Variants in CPAMD8 observed in about 807,000 individuals in gnomAD.
CPAMD8 encodes C3 and PZP-like alpha-2-macroglobulin domain-containing protein 8.
Under a neutral mutation model 224.7 loss-of-function variants are expected in CPAMD8, and 146 were observed. The ratio of observed to expected loss-of-function variants is 0.65; its 90% confidence interval spans 0.57 to 0.75. The LOEUF is 0.75. Among genes scored for constraint, CPAMD8 ranks in the 30% least tolerant of loss-of-function variants. The pLI is 0.00. For synonymous variants in CPAMD8, 966 were observed against 1,044.6 expected (o/e 0.92, Z 1.45); for missense variants, 2,301 against 2,537.5 (o/e 0.91, Z 2.00).
intron 3 of CPAMD8, among the ~76,000 whole-genome samples, chr19:17,014,000 T>TTCCC (rs371949668): frequency 0.17 from 21,316 of 126,212 alleles, 2,155 homozygotes; most frequent in South Asian, 0.36. Flanking sequence ...TACACATTCC[T>TTCCC]TCCCTCCCTC....
At chr19:17,017,025 TGG>T (rs934523021) in intron 3 of CPAMD8, among the ~76,000 whole-genome samples, 6 of 152,024 alleles carry the variant, frequency 3.9e-5, no homozygotes, top group African/African-American at 1.4e-4. Context: ...AGGTGAGCAG[TGG>T]GTGAGCAAAT....
At chr19:16,924,976 C>T (rs771324250) in intron 26 of CPAMD8, among the ~76,000 whole-genome samples, 68 of 152,192 alleles carry the variant, frequency 4.5e-4, no homozygotes, top group Admixed American at 1.3e-4. Context: ...TGCTTTTCCT[C>T]TCCCTGTATC....
At chr19:16,953,626 C>T (rs1382828241) in intron 19 of CPAMD8, among the ~76,000 whole-genome samples, 1 of 146,582 alleles carries the variant, frequency 6.8e-6, no homozygotes, top group Non-Finnish European at 1.5e-5. Flanking sequence ...ACTTGAACAC[C>T]TGGGTGACAG....
chr19:16,940,214 C>G (rs1452383352), intron 22 of CPAMD8, among the ~76,000 whole-genome samples: 1 of 152,098 alleles, frequency 6.6e-6, no homozygotes, highest in Non-Finnish European at 1.5e-5. Flanking sequence ...GCCCGGCCTC[C>G]TGGGTCTCTA....
At position 16,897,760 on chromosome 19, in the gene CPAMD8, G is replaced by A. The variant is rs1215346820; in HGVS notation, c.4996C>T (p.Pro1666Ser). 1.3e-6 allele frequency: 2 copies of A among 1,584,118 alleles called. No individual in the cohort carries two copies. The highest frequency in any genetic ancestry group is 1.7e-6 in the Non-Finnish European group (2 of 1,167,672). The change falls in exon 39 of 42, where the codon CCA becomes TCA. Residue 1666 changes from proline (P) to serine (S), a missense_variant. Coordinates refer to ENST00000443236, the MANE Select transcript of CPAMD8 (RefSeq NM_015692.5). ...CCGGCGCACAGTTCCCGGGCGAGTG[G>A]GCTGTGGGTGCTGACGTTGTAGAAG... Reference protein sequence around the residue: ...TRFYNVSTHSPLARELCAGPA... With the variant: ...TRFYNVSTHSSLARELCAGPA...
At chr19:17,024,831 C>T (rs917925132) in intron 1 of CPAMD8, among the ~76,000 whole-genome samples, 15 of 152,206 alleles carry the variant, frequency 9.9e-5, no homozygotes, top group Non-Finnish European at 1.9e-4. Context: ...CAGAATTGCT[C>T]TTACAACTGC....
chr19:16,951,258 G>A (rs2054288422), intron 20 of CPAMD8, among the ~76,000 whole-genome samples: 2 of 152,084 alleles, frequency 1.3e-5, no homozygotes, highest in African/African-American at 4.8e-5. Flanking sequence ...CTGGTACTTT[G>A]TGGGGAGCCT....
chr19:16,904,176 A>ACGCCCCCCC, intron 32 of CPAMD8, 50 bp downstream of exon 32: 1 of 937,340 alleles, frequency 1.1e-6, no homozygotes. Flanking sequence ...GACTGCAGGG[A>ACGCCCCCCC]CCCCACCCAC....
chr19:16,894,099 C>T (rs1289753608), intron 41 of CPAMD8: 6 of 196,676 alleles, frequency 3.1e-5, no homozygotes, highest in African/African-American at 6.8e-5. Context: ...GCTGCCGTGG[C>T]CCCAGGAAAA....
intron 18 of CPAMD8, among the ~76,000 whole-genome samples, chr19:16,964,891 C>T (rs1366766427): frequency 6.6e-6 from 1 of 152,128 alleles, no homozygotes; most frequent in East Asian, 1.9e-4. Context: ...GTTCAACGTA[C>T]ACAAATCAAT....
intron 18 of CPAMD8, among the ~76,000 whole-genome samples, chr19:16,961,881 T>C (rs2054670181): frequency 6.6e-6 from 1 of 152,144 alleles, no homozygotes; most frequent in Non-Finnish European, 1.5e-5. Context: ...CCTCCACTGG[T>C]GATACGCAGG....
At chr19:16,918,874 A>G (rs1265165763) in intron 27 of CPAMD8, among the ~76,000 whole-genome samples, 1 of 151,880 alleles carries the variant, frequency 6.6e-6, no homozygotes, top group African/African-American at 2.4e-5. Context: ...AAATGCTCCA[A>G]TGAACATTTC....
Position 16,914,693 on chromosome 19 carries a change from G to A in CPAMD8, c.3750C>T (p.Phe1250=), listed in dbSNP as rs1210146958. 1.4e-5 allele frequency: 22 copies of A among 1,614,020 alleles called. No individual in the cohort carries two copies. Among genetic ancestry groups the A allele is most frequent in the Non-Finnish European group, 1.7e-5 (20 of 1,180,012 alleles). ...IIQQQQADGS[F]LAVGRVLNKD... The stretch of plus-strand genomic sequence containing the variant: ...TGTTCAGGACCCTGCCCACGGCCAG[G>A]AAGGAGCCATCGGCCTGCTGCTGCT... The change falls in exon 28 of 42, where the codon TTC becomes TTT. Residue 1250 remains phenylalanine (F), a synonymous_variant. Transcript: ENST00000443236.
At chr19:17,021,879 C>A in intron 2 of CPAMD8, 151 bp downstream of exon 2, 1 of 731,028 alleles carries the variant, frequency 1.4e-6, no homozygotes, top group East Asian at 2.7e-5. Context: ...GAGAATGCAA[C>A]CTGTCTTCCC....
intron 3 of CPAMD8, among the ~76,000 whole-genome samples, 194 bp from the exon 4 acceptor site, chr19:17,011,951 G>A (rs1159639170): frequency 6.6e-6 from 1 of 152,212 alleles, no homozygotes; most frequent in Admixed American, 6.5e-5. Flanking sequence ...ACTGTCACTT[G>A]AGAGGGGAAT....
At chr19:16,961,380 C>T (rs570571466) in intron 18 of CPAMD8, among the ~76,000 whole-genome samples, 83 of 152,362 alleles carry the variant, frequency 5.4e-4, no homozygotes, top group Non-Finnish European at 2.5e-4. Flanking sequence ...CCTGGCTGGG[C>T]GGGTCCCACG....
chr19:17,000,606 G>T (rs1413088464), intron 9 of CPAMD8, 84 bp from the exon 10 acceptor site: 1 of 692,114 alleles, frequency 1.4e-6, no homozygotes, highest in Non-Finnish European at 2.7e-6. Flanking sequence ...GGTTGACATA[G>T]TGTGGCCACT....
Position 16,952,193 on chromosome 19 carries a change from A to G in CPAMD8, c.2284T>C (p.Ser762Pro). 1 of 1,528,100 alleles carries G rather than the reference A, an allele frequency of 6.5e-7. No individual in the cohort carries two copies. Among genetic ancestry groups the G allele is most frequent in the South Asian group, 1.2e-5 (1 of 83,472 alleles). 94.7% of individuals were successfully genotyped at this position (1,528,100 alleles called of 1,614,324 possible). Residue 762 changes from serine to proline, a missense_variant, in exon 20 of 42, where the codon TCT becomes CCT. Transcript: ENST00000443236. ...IWHCLNISDP[S>P]GEGTLSVKVP... ...TTCACACTGAGTGTCCCCTCACCAGATGGGTCACTGCGGAGAGACAGACAG... is the reference window on the plus strand; with the variant it reads ...TTCACACTGAGTGTCCCCTCACCAGGTGGGTCACTGCGGAGAGACAGACAG...
chr19:16,917,946 G>A (rs570956744), intron 27 of CPAMD8, among the ~76,000 whole-genome samples: 17 of 152,222 alleles, frequency 1.1e-4, no homozygotes, highest in East Asian at 9.7e-4. Flanking sequence ...CCCGATATAC[G>A]AGTGTGTAGT....
Sources: gnomAD v4.1 joint callset for allele counts (sites outside exome capture counted in the v4.1 genomes callset) on GRCh38, gnomAD v4.1.1 for gene constraint, MANE v1.5 for transcripts, NCBI Gene and HGNC (gene_info 2026-07-23, HGNC 2026-07-21) for gene names.